Variants in SMARCC1 observed in about 807,000 individuals in gnomAD.
The protein encoded by SMARCC1 is SWI/SNF complex subunit SMARCC1.
A neutral mutation model predicts 147.4 loss-of-function variants in SMARCC1; 43 were observed. That is an observed-to-expected ratio of 0.29 (90% CI 0.23 to 0.38). SMARCC1 has a LOEUF of 0.38. SMARCC1 is among the 10% of genes least tolerant of loss of function. SMARCC1 has a pLI of 1.00. For missense variants in SMARCC1, 1,119 were observed against 1,381.1 expected (o/e 0.81, Z 3.01); for synonymous variants, 495 against 484.4 (o/e 1.02, Z -0.29).
chr3:47,775,590 A>ATG (rs2034965020), intron 1 of SMARCC1, among the ~76,000 whole-genome samples: 4 of 151,104 alleles, frequency 2.6e-5, no homozygotes, highest in South Asian at 4.2e-4. Context: ...TGACTAAAGC[A>ATG]GTGAAACCCC....
At chr3:47,595,061 G>A (rs1289919746) in intron 26 of SMARCC1, among the ~76,000 whole-genome samples, 1 of 152,092 alleles carries the variant, frequency 6.6e-6, no homozygotes, top group East Asian at 1.9e-4. Flanking sequence ...TAATTTCCTG[G>A]AGAGTCACCG....
chr3:47,719,645 G>A (rs1450534708), intron 7 of SMARCC1, among the ~76,000 whole-genome samples: 1 of 152,130 alleles, frequency 6.6e-6, no homozygotes, highest in African/African-American at 2.4e-5. Context: ...GGAGGTTGCA[G>A]TGAGTCGGGA....
chr3:47,703,798 G>A lies in SMARCC1; in HGVS notation c.1041-2396C>T, dbSNP rs138235107. Among the ~76,000 whole-genome samples, 159 of 152,078 alleles carry A rather than the reference G, an allele frequency of 1.0e-3. 3 individuals carry two copies. In the East Asian group the frequency reaches 0.016, roughly 16 times the overall value. ...TTTCCAAATAAAAATCGCATGATGA[G>A]TTTTGTTTTTGTTTTTGAGATAGAG... On this transcript the variant is annotated intron_variant, in intron 10 of 27. Transcript: ENST00000254480.
chr3:47,743,671 T>C (rs1327015277), intron 3 of SMARCC1, among the ~76,000 whole-genome samples: 2 of 151,674 alleles, frequency 1.3e-5, no homozygotes, highest in Admixed American at 6.6e-5. Flanking sequence ...AAATTAGCCA[T>C]GTGTGGTGGC....
chr3:47,721,904 C>T (rs2034237086), intron 6 of SMARCC1, among the ~76,000 whole-genome samples: 1 of 152,028 alleles, frequency 6.6e-6, no homozygotes, highest in East Asian at 1.9e-4. Context: ...TCTATACTCC[C>T]AGCTACTCAG....
intron 7 of SMARCC1, among the ~76,000 whole-genome samples, chr3:47,717,858 T>C (rs2034176505): frequency 1.3e-5 from 2 of 151,942 alleles, no homozygotes; most frequent in South Asian, 2.1e-4. Context: ...TGAGCCATCA[T>C]GCCCAGCCAT....
intron 18 of SMARCC1, among the ~76,000 whole-genome samples, chr3:47,674,804 C>T (rs1402432153): frequency 6.6e-6 from 1 of 151,972 alleles, no homozygotes; most frequent in Non-Finnish European, 1.5e-5. Context: ...GTCTTTTTAG[C>T]CATTATATAT....
intron 21 of SMARCC1, among the ~76,000 whole-genome samples, chr3:47,656,575 G>A (rs1417778900): frequency 4.6e-5 from 7 of 152,058 alleles, no homozygotes; most frequent in Admixed American, 2.0e-4. Context: ...TTCATACCAA[G>A]AAACAAAGAG....
intron 9 of SMARCC1, among the ~76,000 whole-genome samples, chr3:47,709,707 A>T (rs1294112955): frequency 6.6e-6 from 1 of 152,040 alleles, no homozygotes; most frequent in Non-Finnish European, 1.5e-5. Context: ...AAATAAATAA[A>T]AAATAAAAGT....
At chr3:47,745,782 G>T (rs747226652) in intron 3 of SMARCC1, 126 bp downstream of exon 3, 19 of 529,202 alleles carry the variant, frequency 3.6e-5, no homozygotes, top group Non-Finnish European at 6.4e-5. Flanking sequence ...TAGAAACAAG[G>T]TAAATTAGGG....
In SMARCC1 at chr3:47,688,462, GA is replaced by G. The variant is rs199897080; in HGVS notation, c.1263+924del. ...CATCTTAGGGAATTTCTTTGCAAAT[GA>G]AAAAAAAAATCTATATTCAGCAAGT... On this transcript the variant is annotated intron_variant, in intron 13 of 27. Coordinates refer to ENST00000254480, the MANE Select transcript of SMARCC1 (RefSeq NM_003074.4). Among the ~76,000 whole-genome samples the G allele has an allele frequency of 1.0e-4, 15 of 147,354 alleles. No homozygotes were observed. The East Asian group carries it at 1.8e-3, about 17-fold the overall frequency.
rs1414481448 is a variant in SMARCC1 at position 47,597,141 on chromosome 3, A to G, written c.3044-6304T>C. 9.6e-5 allele frequency among the ~76,000 whole-genome samples: 14 copies of G among 145,474 alleles called. No homozygotes were observed. The Admixed American group carries it at 9.6e-4, about 10-fold the overall frequency. The stretch of plus-strand genomic sequence containing the variant: ...ACTCTAGCCTGGGCGACAGGGCGAG[A>G]CTCAGTCTCAAAAAAAAAAAAAAAA... On this transcript the variant is annotated intron_variant, in intron 26 of 27. Coordinates refer to ENST00000254480, the MANE Select transcript of SMARCC1 (RefSeq NM_003074.4).
At chr3:47,608,174 G>A (rs981914090) in intron 26 of SMARCC1, among the ~76,000 whole-genome samples, 5 of 152,066 alleles carry the variant, frequency 3.3e-5, no homozygotes, top group African/African-American at 9.7e-5. Flanking sequence ...TGCAACCTCC[G>A]CCTCCTAGGT....
At chr3:47,616,946 G>A (rs2032653521) in intron 25 of SMARCC1, among the ~76,000 whole-genome samples, 1 of 152,158 alleles carries the variant, frequency 6.6e-6, no homozygotes, top group Non-Finnish European at 1.5e-5. Flanking sequence ...AGGTTAAGAT[G>A]AGCAAGAGTG....
chr3:47,636,282 C>G (rs558412556), intron 22 of SMARCC1, 146 bp from the exon 23 acceptor site: 44 of 591,880 alleles, frequency 7.4e-5, no homozygotes, highest in East Asian at 4.2e-4. Context: ...GAGAACAGCT[C>G]GAAAAGAACT....
chr3:47,769,654 C>T (rs2034884236), intron 2 of SMARCC1, among the ~76,000 whole-genome samples: 1 of 152,142 alleles, frequency 6.6e-6, no homozygotes. Flanking sequence ...TATTTCCTGA[C>T]ATCACCAAGT....
chr3:47,690,309 T>C (rs1047673977), intron 12 of SMARCC1, among the ~76,000 whole-genome samples: 2 of 152,144 alleles, frequency 1.3e-5, no homozygotes, highest in Non-Finnish European at 2.9e-5. Flanking sequence ...TTATCAGATT[T>C]TGAAAAATGC....
intron 21 of SMARCC1, among the ~76,000 whole-genome samples, chr3:47,645,297 CAA>C (rs768500597): frequency 1.8e-4 from 19 of 107,202 alleles, no homozygotes; most frequent in East Asian, 2.7e-4. Context: ...TCCCCCCCAC[CAA>C]AAAAAAAAAA....
At chr3:47,684,708 G>T (rs1406382050) in intron 14 of SMARCC1, among the ~76,000 whole-genome samples, 1 of 152,036 alleles carries the variant, frequency 6.6e-6, no homozygotes, top group African/African-American at 2.4e-5. Flanking sequence ...CTCCCAAAGT[G>T]CTGGGATTAC....
Sources: allele counts gnomAD v4.1 joint callset (sites outside exome capture counted in the v4.1 genomes callset), GRCh38; gene constraint gnomAD v4.1.1; transcripts MANE v1.5; gene names NCBI Gene and HGNC (gene_info 2026-07-23, HGNC 2026-07-21).